Variants in CSMD1 observed in about 807,000 individuals in gnomAD.
The protein encoded by CSMD1 is CUB and sushi domain-containing protein 1.
In CSMD1, 213 loss-of-function variants were observed where a neutral mutation model predicts 417.5. The ratio of observed to expected loss-of-function variants is 0.51; its 90% CI spans 0.46 to 0.57. CSMD1 has a LOEUF of 0.57. CSMD1 is among the 20% of genes least tolerant of loss of function. The pLI, the probability that CSMD1 is intolerant of heterozygous loss-of-function variation, is 0.00. For missense variants in CSMD1, 6,923 were observed against 4,529.7 expected (o/e 1.53, Z -15.17); for synonymous variants, 2,862 against 1,736.8 (o/e 1.65, Z -16.11).
intron 1 of CSMD1, among the ~76,000 whole-genome samples, chr8:4,803,686 G>T (rs533285613): frequency 6.6e-6 from 1 of 152,046 alleles, no homozygotes; most frequent in African/African-American, 2.4e-5. Flanking sequence ...ATAAAGTTAA[G>T]CTCATTTCTG....
At chr8:3,598,372 C>G (rs1801192803) in intron 8 of CSMD1, 1 of 152,088 alleles carries the variant, frequency 6.6e-6, no homozygotes, top group Non-Finnish European at 1.5e-5. Flanking sequence ...TCATTTAGAT[C>G]CAGCCCTTAA....
At chr8:4,885,584 T>C (rs1286236938) in intron 1 of CSMD1, among the ~76,000 whole-genome samples, 1 of 152,036 alleles carries the variant, frequency 6.6e-6, no homozygotes, top group Non-Finnish European at 1.5e-5. Context: ...ACTGAGATGA[T>C]TAGGTGGCTT....
rs1375835432 is a variant in CSMD1, at chr8:3,018,565, C to T, written c.7941G>A (p.Thr2647=). 12 of 1,613,536 alleles carry T rather than the reference C, an allele frequency of 7.4e-6. No homozygotes were observed. The highest frequency in any genetic ancestry group is 1.7e-5 in the Admixed American group (1 of 59,934). ...CCACAAGCGTGTAGCCGGTGTTGCA[C>T]GTAAATATAGCTGTGGCCCCATAAA... ...LTVYGATAIF[T]CNTGYTLVGS... Residue 2647 remains threonine, a synonymous_variant, in exon 52 of 70, where the codon ACG becomes ACA. Coordinates refer to ENST00000635120, the MANE Select transcript of CSMD1 (RefSeq NM_033225.6).
At chr8:4,918,216 G>A (rs759248779) in intron 1 of CSMD1, among the ~76,000 whole-genome samples, 1 of 152,218 alleles carries the variant, frequency 6.6e-6, no homozygotes, top group South Asian at 2.1e-4. Flanking sequence ...GATGCTGATC[G>A]AGGGATCAAG....
chr8:2,951,907 A>G (rs973465859), intron 65 of CSMD1, among the ~76,000 whole-genome samples: 3 of 152,202 alleles, frequency 2.0e-5, no homozygotes, highest in African/African-American at 7.2e-5. Flanking sequence ...GATGGGCTCA[A>G]TAATTTCAAA....
chr8:4,188,031 A>T (rs1314513059), intron 3 of CSMD1, among the ~76,000 whole-genome samples: 1 of 152,146 alleles, frequency 6.6e-6, no homozygotes, highest in Non-Finnish European at 1.5e-5. Flanking sequence ...AAGACCTAAG[A>T]CAGTGCAAAC....
intron 3 of CSMD1, among the ~76,000 whole-genome samples, chr8:4,114,996 A>C (rs1238091877): frequency 6.6e-6 from 1 of 152,260 alleles, no homozygotes; most frequent in Admixed American, 6.5e-5. Flanking sequence ...AGATTATTAT[A>C]GAAACCTAGT....
intron 1 of CSMD1, among the ~76,000 whole-genome samples, chr8:4,683,188 G>A (rs1039363779): frequency 1.3e-5 from 2 of 151,738 alleles, no homozygotes; most frequent in Non-Finnish European, 2.9e-5. Context: ...TATTCTAAGG[G>A]TAATATGTTC....
chr8:4,915,721 C>A (rs1055428786), intron 1 of CSMD1, among the ~76,000 whole-genome samples: 3 of 152,214 alleles, frequency 2.0e-5, no homozygotes, highest in African/African-American at 7.2e-5. Flanking sequence ...AACATTATGT[C>A]CGGGTTTGGA....
At chr8:4,928,815 A>T (rs1041690766) in intron 1 of CSMD1, among the ~76,000 whole-genome samples, 1 of 152,162 alleles carries the variant, frequency 6.6e-6, no homozygotes, top group Non-Finnish European at 1.5e-5. Context: ...CACTCCTGTA[A>T]TCACAGGACT....
chr8:4,379,218 T>C (rs1281754079), intron 3 of CSMD1, among the ~76,000 whole-genome samples: 8 of 152,098 alleles, frequency 5.3e-5, no homozygotes, highest in African/African-American at 1.9e-4. Context: ...TTCAACCAAA[T>C]TATGGGAAAA....
At chr8:4,629,250 AC>A (rs1563349091) in intron 2 of CSMD1, among the ~76,000 whole-genome samples, 1 of 152,210 alleles carries the variant, frequency 6.6e-6, no homozygotes, top group Non-Finnish European at 1.5e-5. Context: ...AAATATCTAT[AC>A]AAAAATGTTG....
intron 8 of CSMD1, among the ~76,000 whole-genome samples, chr8:3,593,627 A>G (rs1800959400): frequency 6.6e-6 from 1 of 152,362 alleles, no homozygotes; most frequent in Non-Finnish European, 1.5e-5. Flanking sequence ...GAATGAACAG[A>G]TAAAGTTTTC....
chr8:4,514,243 C>T (rs544423472), intron 2 of CSMD1, among the ~76,000 whole-genome samples: 1 of 152,170 alleles, frequency 6.6e-6, no homozygotes, highest in South Asian at 2.1e-4. Context: ...GGTGTCTGTG[C>T]TTCTTTTTAT....
At chr8:3,818,850 G>C (rs1355897334) in intron 5 of CSMD1, among the ~76,000 whole-genome samples, 1 of 152,116 alleles carries the variant, frequency 6.6e-6, no homozygotes, top group East Asian at 1.9e-4. Context: ...AAGATCCCTT[G>C]CATGATTTAA....
intron 2 of CSMD1, among the ~76,000 whole-genome samples, chr8:4,470,253 C>T (rs1800448141): frequency 6.6e-6 from 1 of 152,272 alleles, no homozygotes; most frequent in Admixed American, 6.5e-5. Context: ...CATTTCCCAT[C>T]AGGGGCTCCT....
chr8:3,339,721 G>A (rs1432936572), intron 23 of CSMD1, among the ~76,000 whole-genome samples: 2 of 152,110 alleles, frequency 1.3e-5, no homozygotes, highest in Non-Finnish European at 2.9e-5. Context: ...AATACAATTT[G>A]AATGACAATC....
At chr8:3,375,890 T>C (rs1041825409) in intron 18 of CSMD1, among the ~76,000 whole-genome samples, 1 of 152,204 alleles carries the variant, frequency 6.6e-6, no homozygotes, top group South Asian at 2.1e-4. Flanking sequence ...CCTCAGTTTA[T>C]AACCATTTCT....
intron 18 of CSMD1, among the ~76,000 whole-genome samples, chr8:3,382,338 A>G (rs1171411979): frequency 2.7e-5 from 4 of 146,618 alleles, no homozygotes; most frequent in Non-Finnish European, 6.0e-5. Flanking sequence ...ATATATATAA[A>G]TTTATATATG....
Sources: gnomAD v4.1 joint callset for allele counts (sites outside exome capture counted in the v4.1 genomes callset) on GRCh38, gnomAD v4.1.1 for gene constraint, MANE v1.5 for transcripts, NCBI Gene and HGNC (gene_info 2026-07-23, HGNC 2026-07-21) for gene names.